The following CD163L1 variants were observed in gnomAD, a reference collection of about 807,000 sequenced individuals.
The protein encoded by CD163L1 is scavenger receptor cysteine-rich type 1 protein M160.
CD163L1 carries 124 observed loss-of-function variants against 165.4 expected under a neutral mutation model. The observed-to-expected ratio is 0.75, with a 90% CI of 0.65 to 0.87. CD163L1 has a LOEUF of 0.87. CD163L1 is among the 40% of genes least tolerant of loss of function. CD163L1 has a pLI of 0.00. For synonymous variants in CD163L1, 585 were observed against 662.2 expected (o/e 0.88, Z 1.79); for missense variants, 1,525 against 1,799.9 (o/e 0.85, Z 2.76).
At chr12:7,330,819 T>C in the CD163L1 span, among the ~76,000 whole-genome samples, 1 of 152,166 alleles carries the variant, frequency 6.6e-6, no homozygotes, top group African/African-American at 2.4e-5. Context: ...GTCAGTTTCC[T>C]TTTAGAACTA....
At position 7,367,336 on chromosome 12, in the gene CD163L1, G is replaced by T; in HGVS notation, c.4184-5C>A. ...AACCCCTCCTTCTGGTTGAAACTGA[G>T]AATGGATGCTTCATGGTTAGGATTC... On this transcript the variant is annotated splice_polypyrimidine_tract_variant and splice_region_variant and intron_variant, in intron 17 of 19. Coordinates refer to ENST00000313599, the MANE Select transcript of CD163L1 (RefSeq NM_174941.6). 6.3e-7 allele frequency: 1 copy of T among 1,589,036 alleles called. No individual in the cohort carries two copies. The highest frequency in any genetic ancestry group is 1.1e-5 in the South Asian group (1 of 90,390).
At chr12:7,439,185 C>A (rs1948780320) in intron 2 of CD163L1, 8 of 1,576,866 alleles carry the variant, frequency 5.1e-6, no homozygotes, top group Non-Finnish European at 6.9e-6. Flanking sequence ...AAGGGGGAAT[C>A]ATTAAGTACA....
At chr12:7,396,856 C>CACAG (rs1555199047) in intron 7 of CD163L1, among the ~76,000 whole-genome samples, 8 of 116,888 alleles carry the variant, frequency 6.8e-5, no homozygotes, top group East Asian at 4.7e-4. Flanking sequence ...CACACACACA[C>CACAG]AGAGAGAGAG....
chr12:7,337,951 G>A, the CD163L1 span, among the ~76,000 whole-genome samples: 5 of 152,280 alleles, frequency 3.3e-5, no homozygotes, highest in African/African-American at 7.2e-5. Flanking sequence ...TAAAGAAAAC[G>A]TGGCACATAT....
intron 4 of CD163L1, among the ~76,000 whole-genome samples, chr12:7,431,131 C>T (rs1023415780): frequency 3.3e-5 from 5 of 151,938 alleles, no homozygotes; most frequent in African/African-American, 9.7e-5. Context: ...GAAAAGAAGC[C>T]GCATTCTTCA....
intron 9 of CD163L1, among the ~76,000 whole-genome samples, chr12:7,378,065 C>G (rs1180738409): frequency 6.6e-6 from 1 of 152,142 alleles, no homozygotes; most frequent in East Asian, 1.9e-4. Flanking sequence ...GACTCATCAT[C>G]CCACCCTCTC....
At chr12:7,328,750 C>T in the CD163L1 span, 1 of 154,602 alleles carries the variant, frequency 6.5e-6, no homozygotes, top group Non-Finnish European at 1.4e-5. Flanking sequence ...ATTTCTTCTG[C>T]TTAACATCTT....
intron 8 of CD163L1, among the ~76,000 whole-genome samples, chr12:7,395,789 A>G (rs986889531): frequency 6.6e-5 from 10 of 152,122 alleles, no homozygotes; most frequent in Non-Finnish European, 1.2e-4. Context: ...CTGAATTCTC[A>G]TTATTTTTTC....
rs926502193 is a variant in CD163L1, at chr12:7,396,384, G to A, written c.1761C>T (p.Gly587=). 6.2e-6 allele frequency: 10 copies of A among 1,608,666 alleles called. No homozygotes were observed. Among genetic ancestry groups the A allele is most frequent in the African/African-American group, 2.7e-5 (2 of 74,826 alleles). Reference sequence around the variant, plus strand: ...GTCTTCCCGAGCAGCGGTTGCTGCCGCCCACCAGCCTCAGGCCCCATGTTG... The same window carrying A: ...GTCTTCCCGAGCAGCGGTTGCTGCCACCCACCAGCCTCAGGCCCCATGTTG... ...GDATWGLRLV[G]GSNRCSGRLE... is the part of the protein sequence containing the mutation. Residue 587 remains glycine (G), a synonymous_variant, in exon 8 of 20, where the codon GGC becomes GGT. Transcript: ENST00000313599.
At chr12:7,421,440 C>CATATACATACATGTACATATATACATAT in intron 4 of CD163L1, among the ~76,000 whole-genome samples, 1 of 88,162 alleles carries the variant, frequency 1.1e-5, no homozygotes, top group East Asian at 5.3e-4. Flanking sequence ...TACATATATA[C>CATATACATACATGTACATATATACATAT]ATATACATAT....
the CD163L1 span, chr12:7,323,671 G>T: frequency 1.1e-6 from 1 of 889,448 alleles, no homozygotes; most frequent in East Asian, 2.6e-5. Context: ...TTTCACAACT[G>T]TAAAATGGGG....
intron 6 of CD163L1, 113 bp downstream of exon 6, chr12:7,403,422 G>T: frequency 1.0e-6 from 1 of 991,720 alleles, no homozygotes; most frequent in Non-Finnish European, 1.5e-6. Context: ...AGAGTATTTT[G>T]GGTTTTTTTT....
At chr12:7,329,734 A>G in the CD163L1 span, among the ~76,000 whole-genome samples, 24 of 152,282 alleles carry the variant, frequency 1.6e-4, no homozygotes, top group African/African-American at 4.3e-4. Flanking sequence ...AAATGTCAGT[A>G]AAAATAAATA....
chr12:7,425,194 T>A (rs1302048904), intron 4 of CD163L1, among the ~76,000 whole-genome samples: 1 of 152,092 alleles, frequency 6.6e-6, no homozygotes, highest in Non-Finnish European at 1.5e-5. Flanking sequence ...TCTACAACCA[T>A]CTGATCCTTG....
intron 9 of CD163L1, among the ~76,000 whole-genome samples, chr12:7,377,196 G>A (rs1434389333): frequency 6.6e-6 from 1 of 152,034 alleles, no homozygotes; most frequent in African/African-American, 2.4e-5. Context: ...TTCCTTCTGC[G>A]TATATGCATA....
At chr12:7,324,509 G>C in the CD163L1 span, 1 of 1,613,818 alleles carries the variant, frequency 6.2e-7, no homozygotes. Flanking sequence ...GTACCGTATT[G>C]GGCCATTTGA....
At chr12:7,341,197 G>C in the CD163L1 span, among the ~76,000 whole-genome samples, 1 of 152,154 alleles carries the variant, frequency 6.6e-6, no homozygotes, top group East Asian at 1.9e-4. Context: ...ATTAGCTCTA[G>C]AAGCAGTAGA....
chr12:7,325,994 T>C, the CD163L1 span, among the ~76,000 whole-genome samples: 1 of 152,204 alleles, frequency 6.6e-6, no homozygotes, highest in Admixed American at 6.5e-5. Flanking sequence ...ACCATGTTCT[T>C]ATTCTCTCAA....
intron 6 of CD163L1, 54 bp downstream of exon 6, chr12:7,403,481 C>G: frequency 1.3e-6 from 2 of 1,509,076 alleles, no homozygotes; most frequent in South Asian, 2.6e-5. Context: ...AACCTCCCAA[C>G]AGATTATTTC....
Sources: allele counts gnomAD v4.1 joint callset (sites outside exome capture counted in the v4.1 genomes callset), GRCh38; gene constraint gnomAD v4.1.1; transcripts MANE v1.5; gene names NCBI Gene and HGNC (gene_info 2026-07-23, HGNC 2026-07-21).